TBL1X: variants seen among roughly 807,000 people sequenced by gnomAD.
TBL1X encodes F-box-like/WD repeat-containing protein TBL1X.
In TBL1X, 10 loss-of-function variants were observed where a neutral mutation model predicts 50.7. The ratio of observed to expected loss-of-function variants is 0.20; its 90% CI spans 0.12 to 0.33. The LOEUF (loss-of-function observed/expected upper bound fraction) is 0.33, where lower values mean the gene tolerates loss of function less well. Ranked by LOEUF, TBL1X falls within the 10% of genes least tolerant of loss-of-function variation. The pLI, the probability that TBL1X is intolerant of heterozygous loss-of-function variation, is 1.00. For synonymous variants in TBL1X, 190 were observed against 214.7 expected, an observed-to-expected ratio of 0.88 and a Z score of 1.01; for missense variants, 340 against 504.4, an observed-to-expected ratio of 0.67 and a Z score of 3.12.
chrX:9,648,996 A>G (rs1041021736), intron 3 of TBL1X, among the ~76,000 whole-genome samples: 1 of 111,795 alleles, frequency 8.9e-6, no homozygotes, highest in Non-Finnish European at 1.9e-5. Flanking sequence ...AAAAAACTGA[A>G]GAAGATCCAT....
chrX:9,580,236 C>T (rs1208988062), intron 2 of TBL1X, among the ~76,000 whole-genome samples: 1 of 112,155 alleles, frequency 8.9e-6, no homozygotes, highest in African/African-American at 3.2e-5. Flanking sequence ...TAAGGATGCG[C>T]ACCCATGACA....
At chrX:9,546,239 C>T (rs950392667) in intron 2 of TBL1X, among the ~76,000 whole-genome samples, 2 of 112,105 alleles carry the variant, frequency 1.8e-5, no homozygotes, top group African/African-American at 3.2e-5. Context: ...TATGGCTTGC[C>T]GTGGTGACTC....
intron 8 of TBL1X, 90 bp from the exon 9 acceptor site, chrX:9,692,023 A>G: frequency 8.5e-7 from 1 of 1,171,857 alleles, no homozygotes; most frequent in Non-Finnish European, 1.2e-6. Flanking sequence ...GCATGTGCTG[A>G]AGATGCCCTC....
At position 9,688,139 on chromosome X, in the gene TBL1X, TGCGGCG is replaced by T. The variant is rs748109795; in HGVS notation, c.492_497del (p.Ala167_Ala168del). ...AGAAGCTCGCTCAGCAGCAAGCCAG[TGCGGCG>T]GCGGCGGCGGCTGCGGCCACGGCAG... On this transcript the variant is annotated inframe_deletion, in exon 7 of 18. Coordinates refer to ENST00000645353, the MANE Select transcript of TBL1X (RefSeq NM_005647.4). The T allele has an allele frequency of 1.4e-5, 17 of 1,201,684 alleles. No individual in the cohort carries two copies. The Admixed American group carries it at 3.6e-4, about 25-fold the overall frequency.
chrX:9,573,432 C>G (rs2082395471), intron 2 of TBL1X, among the ~76,000 whole-genome samples: 1 of 112,457 alleles, frequency 8.9e-6, no homozygotes. Context: ...GGGATATTGT[C>G]ACTTTGCACG....
intron 3 of TBL1X, among the ~76,000 whole-genome samples, chrX:9,647,574 T>G (rs1256402454): frequency 9.0e-6 from 1 of 111,471 alleles, no homozygotes; most frequent in Non-Finnish European, 1.9e-5. Flanking sequence ...CTGCCAAAAC[T>G]CTCCTTTATT....
chrX:9,712,887 T>C (rs2083256216), intron 16 of TBL1X, among the ~76,000 whole-genome samples: 1 of 110,110 alleles, frequency 9.1e-6, no homozygotes, highest in African/African-American at 3.3e-5. Flanking sequence ...AAGAGAGAGG[T>C]GATAATATGC....
intron 2 of TBL1X, among the ~76,000 whole-genome samples, chrX:9,625,552 A>G (rs751054569): frequency 2.7e-5 from 3 of 112,470 alleles, no homozygotes; most frequent in South Asian, 7.4e-4. Context: ...AAACAAGGCC[A>G]TACTGGAATC....
chrX:9,583,222 C>A (rs773613291), intron 2 of TBL1X, among the ~76,000 whole-genome samples: 1 of 112,414 alleles, frequency 8.9e-6, no homozygotes, highest in South Asian at 3.7e-4. Context: ...CCTGCAGGTG[C>A]CCCTTGGCCT....
At chrX:9,586,976 G>A (rs1277044608) in intron 2 of TBL1X, among the ~76,000 whole-genome samples, 2 of 112,330 alleles carry the variant, frequency 1.8e-5, no homozygotes, top group East Asian at 2.8e-4. Flanking sequence ...TGCAGAGCCT[G>A]GCTGGCTAAA....
In TBL1X at chrX:9,719,350, G is replaced by T. The variant is rs1248724157; in HGVS notation, c.*3104G>T. 1 of 111,517 alleles carries T rather than the reference G, an allele frequency of 9.0e-6. No individual in the cohort carries two copies. Among genetic ancestry groups the T allele is most frequent in the African/African-American group, 3.3e-5 (1 of 30,517 alleles). The allele number at this position is 111,517 out of a possible 1,213,427, so 9.2% of individuals were successfully genotyped here. ...CATGGAGCCAAGTGAAGTGCACTTT[G>T]TCAAATGTAAGGGTCTGCTTTGTTC... On this transcript the variant is annotated 3_prime_UTR_variant, in exon 18 of 18. Transcript: ENST00000645353.
chrX:9,548,156 T>C (rs775895951), intron 2 of TBL1X, among the ~76,000 whole-genome samples: 8 of 110,245 alleles, frequency 7.3e-5, no homozygotes, highest in African/African-American at 2.6e-4. Context: ...CTCCGATGTT[T>C]ATAGTACCAA....
intron 1 of TBL1X, among the ~76,000 whole-genome samples, chrX:9,469,454 C>A (rs771340960): frequency 8.9e-6 from 1 of 112,347 alleles, no homozygotes; most frequent in African/African-American, 3.2e-5. Flanking sequence ...TGAGCCATCG[C>A]GCCCGGCTAG....
At chrX:9,631,171 T>C (rs1241331178) in intron 2 of TBL1X, among the ~76,000 whole-genome samples, 3 of 111,402 alleles carry the variant, frequency 2.7e-5, no homozygotes, top group African/African-American at 9.8e-5. Context: ...CAGGGGTACA[T>C]GTGCAGGTTT....
At chrX:9,700,712 A>G (rs2239412) in intron 12 of TBL1X, among the ~76,000 whole-genome samples, 2,159 of 110,474 alleles carry the variant, frequency 0.02, 60 homozygotes, top group African/African-American at 0.067. Context: ...GATAGGAGAC[A>G]TTGCCTTGCC....
chrX:9,711,689 G>T lies in TBL1X; in HGVS notation c.1518G>T (p.Glu506Asp), dbSNP rs1229867319. 8.3e-7 allele frequency: 1 copy of T among 1,209,294 alleles called. No individual in the cohort carries two copies. The highest frequency in any genetic ancestry group is 1.1e-6 in the Non-Finnish European group (1 of 894,352). Reference protein sequence around the residue: ...VCTHTLTKHQEPVYSVAFSPD... With the variant: ...VCTHTLTKHQDPVYSVAFSPD... ...CCCACACGCTCACGAAGCATCAGGA[G>T]CCTGTCTATAGCGTAGCTTTCAGCC... The change falls in exon 16 of 18, where the codon GAG (glutamate) becomes GAT (aspartate). Residue 506 changes from glutamate (E) to aspartate (D), a missense_variant. Physicochemically the swap from Glu to Asp is conservative, Grantham distance 45 (BLOSUM62 2). Coordinates refer to ENST00000645353, the MANE Select transcript of TBL1X (RefSeq NM_005647.4).
intron 1 of TBL1X, among the ~76,000 whole-genome samples, chrX:9,498,746 T>C (rs936468546): frequency 1.2e-4 from 14 of 112,573 alleles, no homozygotes; most frequent in Admixed American, 3.7e-4. Flanking sequence ...CTAGTGCCCA[T>C]TGGGGACATG....
At chrX:9,666,560 G>A (rs2082932194) in intron 5 of TBL1X, among the ~76,000 whole-genome samples, 1 of 112,033 alleles carries the variant, frequency 8.9e-6, no homozygotes, top group African/African-American at 3.2e-5. Flanking sequence ...TATACATTTG[G>A]TCTAAATTAG....
chrX:9,715,439 G>A (rs1454066248), intron 17 of TBL1X, among the ~76,000 whole-genome samples: 2 of 111,753 alleles, frequency 1.8e-5, no homozygotes, highest in African/African-American at 6.5e-5. Context: ...GTGTGGTACA[G>A]CCTATTGCTC....
Sources: allele counts gnomAD v4.1 joint callset (sites outside exome capture counted in the v4.1 genomes callset), GRCh38; gene constraint gnomAD v4.1.1; transcripts MANE v1.5; gene names NCBI Gene and HGNC (gene_info 2026-07-23, HGNC 2026-07-21).